The following RYR3 variants were observed in gnomAD, a reference collection of about 807,000 sequenced individuals.
The protein encoded by RYR3 is brain ryanodine receptor-calcium release channel.
A neutral mutation model predicts 584.3 loss-of-function variants in RYR3; 207 were observed. That is an observed-to-expected ratio of 0.35 (90% confidence interval 0.32 to 0.40). RYR3 has a LOEUF of 0.40. Among genes scored for constraint, RYR3 ranks in the 10% least tolerant of loss-of-function variants. RYR3 has a pLI of 1.00. For synonymous variants in RYR3, 2,416 were observed against 2,248.5 expected (o/e 1.07, Z -2.11); for missense variants, 5,616 against 6,089.2 (o/e 0.92, Z 2.59).
At chr15:33,623,586 T>C (rs902778161) in intron 19 of RYR3, among the ~76,000 whole-genome samples, 1 of 152,210 alleles carries the variant, frequency 6.6e-6, no homozygotes, top group Admixed American at 6.5e-5. Context: ...TTTAGGAACT[T>C]AGCCGTGATG....
At chr15:33,605,113 G>A (rs190546479) in intron 18 of RYR3, among the ~76,000 whole-genome samples, 4 of 152,222 alleles carry the variant, frequency 2.6e-5, no homozygotes, top group Admixed American at 2.6e-4. Flanking sequence ...CCCTTGTTTC[G>A]AAGAGAAACT....
At chr15:33,785,569 C>T (rs2074655086) in intron 65 of RYR3, 93 bp from the exon 66 acceptor site, 1 of 1,045,456 alleles carries the variant, frequency 9.6e-7, no homozygotes, top group African/African-American at 1.6e-5. Flanking sequence ...GAAATTTATT[C>T]CTAAAGACCA....
At chr15:33,343,289 C>T (rs958616186) in intron 1 of RYR3, among the ~76,000 whole-genome samples, 12 of 152,128 alleles carry the variant, frequency 7.9e-5, no homozygotes, top group African/African-American at 1.9e-4. Flanking sequence ...TTTCCCTAAG[C>T]GGCCCTTCAT....
chr15:33,486,464 G>A (rs1161968480), intron 2 of RYR3, among the ~76,000 whole-genome samples: 1 of 152,140 alleles, frequency 6.6e-6, no homozygotes, highest in Non-Finnish European at 1.5e-5. Flanking sequence ...CCTTGTAAGA[G>A]GGCCTCCATC....
At chr15:33,704,683 G>A (rs1215549948) in intron 42 of RYR3, among the ~76,000 whole-genome samples, 1 of 152,196 alleles carries the variant, frequency 6.6e-6, no homozygotes, top group Non-Finnish European at 1.5e-5. Context: ...TTTGGACAAG[G>A]CAATGCCACA....
chr15:33,811,568 T>TTTG (rs1684250404), intron 72 of RYR3, among the ~76,000 whole-genome samples: 1 of 151,986 alleles, frequency 6.6e-6, no homozygotes, highest in Non-Finnish European at 1.5e-5. Context: ...TGTTTGTTTG[T>TTTG]TTGTTTGTTT....
rs557663718 is a variant in RYR3, at chr15:33,415,777, G to A, written c.52-57642G>A. Among the ~76,000 whole-genome samples, 5 of 152,278 alleles carry A rather than the reference G, an allele frequency of 3.3e-5. No individual in the cohort carries two copies. The South Asian group carries it at 8.3e-4, about 25-fold the overall frequency. On this transcript the variant is annotated intron_variant, in intron 1 of 103. Coordinates refer to ENST00000634891, the MANE Select transcript of RYR3 (RefSeq NM_001036.6). Reference sequence around the variant, plus strand: ...TTACTTGGGTATATTGTGTGATGCTGAGATTTGGGTCTCGAATGACCCCAT... The same window carrying A: ...TTACTTGGGTATATTGTGTGATGCTAAGATTTGGGTCTCGAATGACCCCAT...
chr15:33,632,884 TA>T, intron 23 of RYR3, 64 bp from the exon 24 acceptor site: 1 of 1,461,020 alleles, frequency 6.8e-7, no homozygotes, highest in Non-Finnish European at 9.4e-7. Flanking sequence ...GCTCTTGGTC[TA>T]AAATCCGGAA....
At position 33,662,444 on chromosome 15, in the gene RYR3, G is replaced by T; in HGVS notation, c.4914G>T (p.Arg1638Ser). ...EYIIPITSTT[R>S]NIRLFPDESK... is the part of the protein sequence containing the mutation. ...TCATCCCCATTACCAGCACCACCAG[G>T]AATATCCGCCTCTTCCCGGACGAGT... Residue 1638 changes from arginine to serine, a missense_variant, in exon 35 of 104, where the codon AGG (arginine) becomes AGT (serine). Transcript: ENST00000634891. The T allele has an allele frequency of 6.2e-7, 1 of 1,614,022 alleles. No individual in the cohort carries two copies. The highest frequency in any genetic ancestry group is 8.5e-7 in the Non-Finnish European group (1 of 1,179,896).
intron 1 of RYR3, among the ~76,000 whole-genome samples, chr15:33,415,202 T>A (rs186056622): frequency 1.3e-5 from 2 of 152,226 alleles, no homozygotes; most frequent in Non-Finnish European, 2.9e-5. Flanking sequence ...GTATTTTAGA[T>A]ATATTGGGTT....
At chr15:33,452,066 T>G (rs918645499) in intron 1 of RYR3, among the ~76,000 whole-genome samples, 1 of 152,216 alleles carries the variant, frequency 6.6e-6, no homozygotes, top group African/African-American at 2.4e-5. Context: ...GACGTGATAG[T>G]GGGACAAGAC....
intron 2 of RYR3, among the ~76,000 whole-genome samples, chr15:33,478,460 G>C (rs754764054): frequency 2.0e-5 from 3 of 152,158 alleles, no homozygotes; most frequent in Non-Finnish European, 2.9e-5. Context: ...TACAAGAGTC[G>C]CTGCACTCCA....
At chr15:33,827,707 G>A (rs1227051039) in intron 85 of RYR3, among the ~76,000 whole-genome samples, 4 of 151,560 alleles carry the variant, frequency 2.6e-5, no homozygotes, top group Admixed American at 6.6e-5. Context: ...TTTCAAGGAA[G>A]CCCAAATTAT....
chr15:33,433,382 TCTAAAG>T (rs781676765), intron 1 of RYR3, among the ~76,000 whole-genome samples: 1 of 152,188 alleles, frequency 6.6e-6, no homozygotes, highest in Non-Finnish European at 1.5e-5. Flanking sequence ...TGGATTTGCA[TCTAAAG>T]CTATTTTGGT....
chr15:33,346,983 G>A (rs1029629675), intron 1 of RYR3, among the ~76,000 whole-genome samples: 3 of 152,160 alleles, frequency 2.0e-5, no homozygotes, highest in African/African-American at 7.2e-5. Context: ...GGACAGACAT[G>A]CATCTGGTGT....
At chr15:33,389,024 C>A (rs1393678886) in intron 1 of RYR3, among the ~76,000 whole-genome samples, 3 of 133,268 alleles carry the variant, frequency 2.3e-5, no homozygotes, top group Non-Finnish European at 4.5e-5. Context: ...TTTAATTGAA[C>A]AATGAGAACA....
chr15:33,473,354 A>C, intron 1 of RYR3, 65 bp from the exon 2 acceptor site: 1 of 1,605,566 alleles, frequency 6.2e-7, no homozygotes, highest in Non-Finnish European at 8.5e-7. Flanking sequence ...AGGTACAGGA[A>C]GGTGACTCGG....
chr15:33,803,217 A>T (rs1039684064), intron 69 of RYR3, among the ~76,000 whole-genome samples: 1 of 152,214 alleles, frequency 6.6e-6, no homozygotes, highest in Non-Finnish European at 1.5e-5. Context: ...AAAGTTTGAC[A>T]AACAAAATTA....
chr15:33,660,941 AT>A, intron 34 of RYR3, among the ~76,000 whole-genome samples: 1 of 152,364 alleles, frequency 6.6e-6, no homozygotes. Context: ...TGGGAGGAAA[AT>A]AATGAGATTG....
Sources: allele counts gnomAD v4.1 joint callset (sites outside exome capture counted in the v4.1 genomes callset), GRCh38; gene constraint gnomAD v4.1.1; transcripts MANE v1.5; gene names NCBI Gene and HGNC (gene_info 2026-07-23, HGNC 2026-07-21).